The following WDR88 variants were observed in gnomAD, a reference collection of about 807,000 sequenced individuals.
WDR88 encodes the protein WD repeat domain 88.
WDR88 carries 40 observed loss-of-function variants against 46.8 expected under a neutral mutation model. The observed-to-expected ratio is 0.86, with a 90% CI of 0.66 to 1.11. The LOEUF (loss-of-function observed/expected upper bound fraction) is 1.11. Among genes scored for constraint, WDR88 ranks in the 50% most tolerant of loss-of-function variants. The pLI is 0.00. For synonymous variants in WDR88, 235 were observed against 240.7 expected, an observed-to-expected ratio of 0.98 and a Z score of 0.22; for missense variants, 562 against 602.4, an observed-to-expected ratio of 0.93 and a Z score of 0.70.
At chr19:33,172,198 G>A in intron 9 of WDR88, 150 bp from the exon 10 acceptor site, 1 of 628,212 alleles carries the variant, frequency 1.6e-6, no homozygotes, top group Middle Eastern at 4.5e-4. Context: ...AGCCTCTTCA[G>A]GTTGGCTTCT....
In WDR88 at chr19:33,172,349, A is replaced by G. The variant is rs752419607; in HGVS notation, c.1151A>G (p.Asp384Gly). 6.2e-7 allele frequency: 1 copy of G among 1,613,234 alleles called. No individual in the cohort carries two copies. The highest frequency in any genetic ancestry group is 1.1e-5 in the South Asian group (1 of 90,992). ...CCGCTGGTTTGCTATTTGTTTTAGG[A>G]TAGGACCATGAGACTGTGGAATATT... ...NKKWILSASK[D>G]RTMRLWNIEE... Residue 384 changes from aspartate to glycine, a missense_variant and splice_region_variant, in exon 10 of 11, where the codon GAT becomes GGT. Coordinates refer to ENST00000355868, the MANE Select transcript of WDR88 (RefSeq NM_173479.4).
rs1336393521 is a variant in WDR88, at chr19:33,132,119, C to T, written c.-51C>T. ...GGGCGCGGGCGCGGGCGCGCGGCGC[C>T]ACCGTTCCCATCCAGGCTTGTCGGC... On this transcript the variant is annotated 5_prime_UTR_variant, in exon 1 of 11. Coordinates refer to ENST00000355868, the MANE Select transcript of WDR88 (RefSeq NM_173479.4). 1.3e-6 allele frequency: 2 copies of T among 1,511,300 alleles called. No individual in the cohort carries two copies. The highest frequency in any genetic ancestry group is 2.4e-4 in the Middle Eastern group (1 of 4,204). The allele number at this position is 1,511,300 out of a possible 1,614,324, so 93.6% of individuals were successfully genotyped here.
chr19:33,175,773 C>T lies in WDR88; in HGVS notation c.*201C>T, dbSNP rs1378502881. The T allele has an allele frequency of 6.9e-6, 4 of 583,742 alleles. No individual in the cohort carries two copies. Among genetic ancestry groups the T allele is most frequent in the South Asian group, 2.1e-5 (1 of 46,828 alleles). 36.2% of individuals were successfully genotyped at this position (583,742 alleles called of 1,614,324 possible). A position where few individuals can be genotyped will look rare whatever the true frequency, so the allele number is the denominator to read the frequency against. ...GGAGTGAACACTTTCCGTTTTCATG[C>T]AGAATAAATCTAATTCCTTTGGAAA... On this transcript the variant is annotated 3_prime_UTR_variant, in exon 11 of 11. Coordinates refer to ENST00000355868, the MANE Select transcript of WDR88 (RefSeq NM_173479.4).
intron 10 of WDR88, among the ~76,000 whole-genome samples, chr19:33,173,375 G>C (rs1483517844): frequency 6.6e-6 from 1 of 152,202 alleles, no homozygotes; most frequent in East Asian, 1.9e-4. Flanking sequence ...CAAGAGCTTG[G>C]TGGTCAGGCC....
chr19:33,144,707 AGT>A, intron 2 of WDR88, 135 bp from the exon 3 acceptor site: 2 of 744,758 alleles, frequency 2.7e-6, no homozygotes, highest in South Asian at 3.1e-5. Flanking sequence ...TTCGGAGCTG[AGT>A]GAGAGTCCCA....
intron 9 of WDR88, among the ~76,000 whole-genome samples, chr19:33,166,840 T>C (rs1025480902): frequency 2.6e-5 from 4 of 152,060 alleles, no homozygotes; most frequent in Non-Finnish European, 4.4e-5. Flanking sequence ...GGTTTGAGCA[T>C]GGGAGGCAGA....
At chr19:33,160,653 CGACT>C (rs1568368881) in intron 8 of WDR88, among the ~76,000 whole-genome samples, 157 bp downstream of exon 8, 1 of 152,128 alleles carries the variant, frequency 6.6e-6, no homozygotes, top group Non-Finnish European at 1.5e-5. Flanking sequence ...AACACACCAC[CGACT>C]GTGAGGAGTG....
At chr19:33,145,059 C>A in intron 3 of WDR88, 127 bp downstream of exon 3, 1 of 890,796 alleles carries the variant, frequency 1.1e-6, no homozygotes, top group South Asian at 1.5e-5. Context: ...GTGGCCTAAG[C>A]TGGTCTCGAA....
intron 10 of WDR88, chr19:33,174,237 T>C: frequency 6.5e-7 from 1 of 1,536,422 alleles, no homozygotes; most frequent in Non-Finnish European, 8.7e-7. Context: ...TGCATTTGAC[T>C]TGCTCTGAAT....
At chr19:33,156,113 G>GT (rs1418676893) in intron 6 of WDR88, among the ~76,000 whole-genome samples, 1 of 152,246 alleles carries the variant, frequency 6.6e-6, no homozygotes, top group Non-Finnish European at 1.5e-5. Flanking sequence ...CTGGAACAGC[G>GT]TGACAGTCTG....
At chr19:33,160,589 G>T in intron 8 of WDR88, 93 bp downstream of exon 8, 1 of 1,345,810 alleles carries the variant, frequency 7.4e-7, no homozygotes, top group South Asian at 1.2e-5. Flanking sequence ...AGCTGTGAGT[G>T]ACACAGGCCT....
chr19:33,175,759 T>C lies in WDR88; in HGVS notation c.*187T>C, dbSNP rs1974112660. ...AGCTCTCAGCTTGGGGAGTGAACAC[T>C]TTCCGTTTTCATGCAGAATAAATCT... is the stretch of plus-strand genomic sequence containing the variant. On this transcript the variant is annotated 3_prime_UTR_variant, in exon 11 of 11. Coordinates refer to ENST00000355868, the MANE Select transcript of WDR88 (RefSeq NM_173479.4). 3.3e-6 allele frequency: 2 copies of C among 610,500 alleles called. No individual in the cohort carries two copies. Among genetic ancestry groups the C allele is most frequent in the Admixed American group, 6.0e-5 (2 of 33,140 alleles). The allele number at this position is 610,500 out of a possible 1,614,324, so 37.8% of individuals were successfully genotyped here.
intron 6 of WDR88, among the ~76,000 whole-genome samples, chr19:33,153,815 T>A (rs1429645420): frequency 6.6e-6 from 1 of 152,150 alleles, no homozygotes; most frequent in Non-Finnish European, 1.5e-5. Flanking sequence ...TCATTTACAC[T>A]GTCATTCATA....
rs772240791 is a variant in WDR88 at position 33,132,195 on chromosome 19, C to T, written c.26C>T (p.Pro9Leu). 4 of 1,603,134 alleles carry T rather than the reference C, an allele frequency of 2.5e-6. No individual in the cohort carries two copies. Among genetic ancestry groups the T allele is most frequent in the Non-Finnish European group, 3.4e-6 (4 of 1,177,298 alleles). Residue 9 changes from proline to leucine, a missense_variant, in exon 1 of 11, where the codon CCG becomes CTG. By Grantham distance (98) the Pro-to-Leu change is moderately conservative (BLOSUM62 -3). Coordinates refer to ENST00000355868, the MANE Select transcript of WDR88 (RefSeq NM_173479.4). MASPPRCS[P>L]TAHDRECKLP... is the part of the protein sequence containing the mutation. ...ATGGCCTCCCCGCCGCGGTGCTCCC[C>T]GACAGCCCATGACAGGGAATGCAAG...
At position 33,144,864 on chromosome 19, in the gene WDR88, G is replaced by T; in HGVS notation, c.408G>T (p.Val136=). The stretch of plus-strand genomic sequence containing the variant: ...TTGAGGATCCGGTGGACGGTTCTGT[G>T]GTTCGCGATTTTGAGCACAGGCCCA... ...VKLWDPVDGS[V]VRDFEHRPKA... Residue 136 remains valine (V), a synonymous_variant, in exon 3 of 11, where the codon GTG becomes GTT. Transcript: ENST00000355868. 6.2e-7 allele frequency: 1 copy of T among 1,613,668 alleles called. No homozygotes were observed. Among genetic ancestry groups the T allele is most frequent in the Non-Finnish European group, 8.5e-7 (1 of 1,179,908 alleles).
chr19:33,174,870 C>T (rs1279682661), intron 10 of WDR88: 2 of 985,074 alleles, frequency 2.0e-6, no homozygotes, highest in East Asian at 1.1e-4. Flanking sequence ...CTGGCAGGAC[C>T]TGCTTAGCCA....
intron 8 of WDR88, among the ~76,000 whole-genome samples, chr19:33,161,376 A>G (rs749991153): frequency 6.6e-6 from 1 of 151,950 alleles, no homozygotes; most frequent in Non-Finnish European, 1.5e-5. Context: ...AGAACCCACA[A>G]TTGCCTCATG....
At chr19:33,167,785 CTCTT>C (rs974223504) in intron 9 of WDR88, among the ~76,000 whole-genome samples, 6 of 151,684 alleles carry the variant, frequency 4.0e-5, no homozygotes, top group East Asian at 1.9e-4. Flanking sequence ...TCTCTCCTCT[CTCTT>C]TCTCTCTTTC....
In WDR88 at chr19:33,175,261, A is replaced by AAACAAACC. The variant is rs1247835100; in HGVS notation, c.1243-132_1243-131insAAACCAAC. The AAACAAACC allele has an allele frequency of 3.8e-5, 39 of 1,016,206 alleles. No individual in the cohort carries two copies. In the African/African-American group the frequency reaches 6.0e-4, roughly 16 times the overall value. 62.9% of individuals were successfully genotyped at this position (1,016,206 alleles called of 1,614,324 possible). On this transcript the variant is annotated intron_variant, in intron 10 of 10. Coordinates refer to ENST00000355868, the MANE Select transcript of WDR88 (RefSeq NM_173479.4). Reference sequence around the variant, plus strand: ...AAAACAAAAACAAAAACAAACAAACAAACCAAAAAGAGATTCCAGAGAGGG... The same window carrying AAACAAACC: ...AAAACAAAAACAAAAACAAACAAACAAACAAACCAACCAAAAAGAGATTCCAGAGAGGG...
Sources: gnomAD v4.1 joint callset for allele counts (sites outside exome capture counted in the v4.1 genomes callset) on GRCh38, gnomAD v4.1.1 for gene constraint, MANE v1.5 for transcripts, NCBI Gene and HGNC (gene_info 2026-07-23, HGNC 2026-07-21) for gene names.